The following TTBK1 variants were observed in gnomAD, a reference collection of about 807,000 sequenced individuals.
TTBK1 encodes the protein tau-tubulin kinase 1.
TTBK1 carries 34 observed loss-of-function variants against 108.5 expected under a neutral mutation model. The observed-to-expected ratio is 0.31, with a 90% CI of 0.24 to 0.42. The LOEUF is 0.42. TTBK1 is among the 10% of genes least tolerant of loss of function. The pLI is 1.00. For missense variants in TTBK1, 1,539 were observed against 1,826.0 expected, an observed-to-expected ratio of 0.84 and a Z score of 2.86; for synonymous variants, 809 against 795.1, an observed-to-expected ratio of 1.02 and a Z score of -0.29.
chr6:43,266,388 ATAGT>A (rs1220706568), intron 13 of TTBK1, among the ~76,000 whole-genome samples: 7 of 152,258 alleles, frequency 4.6e-5, no homozygotes, highest in African/African-American at 1.7e-4. Flanking sequence ...AATGACAACA[ATAGT>A]TAGCACTGTC....
chr6:43,247,933 G>GC lies in TTBK1; in HGVS notation c.108+1165_108+1166insC, dbSNP rs1554184752. On this transcript the variant is annotated intron_variant, in intron 2 of 14. Transcript: ENST00000259750. The stretch of plus-strand genomic sequence containing the variant: ...GGAAAGGGGCTGTTTATGTCCCAGA[G>GC]GGGGACTTCCTGAGAGGGAGAGTAC... 1.2e-4 allele frequency: 6 copies of GC among 51,914 alleles called. No homozygotes were observed. The African/African-American group carries it at 1.8e-3, about 15-fold the overall frequency. 3.2% of individuals were successfully genotyped at this position (51,914 alleles called of 1,614,324 possible). A position where few individuals can be genotyped will look rare whatever the true frequency, so the allele number is the denominator to read the frequency against.
chr6:43,271,292 A>T, intron 13 of TTBK1: 1 of 985,458 alleles, frequency 1.0e-6, no homozygotes, highest in Non-Finnish European at 1.2e-6. Context: ...GAGTGTGCTT[A>T]CGAATGAGCG....
At chr6:43,255,158 G>A in intron 7 of TTBK1, 44 bp downstream of exon 7, 1 of 1,305,708 alleles carries the variant, frequency 7.7e-7, no homozygotes, top group Non-Finnish European at 1.1e-6. Flanking sequence ...GGTGGGAGGG[G>A]CAAGGTCGGG....
In TTBK1 at chr6:43,283,064, C is replaced by T. The variant is rs749299332; in HGVS notation, c.2324C>T (p.Ala775Val). Residue 775 changes from alanine (A) to valine (V), a missense_variant, in exon 14 of 15, where the codon GCA (alanine) becomes GTA (valine). Transcript: ENST00000259750. The surrounding 1 kb of genome is among the most constrained non-coding windows in gnomAD (Gnocchi z 8.1). ...EEEEEEEAAA[A>V]VALGEVLGPR... ...GAAGAGGAGGAGGAGGCTGCAGCGGCAGTTGCCTTGGGGGAGGTGCTGGGG... is the reference window on the plus strand; with the variant it reads ...GAAGAGGAGGAGGAGGCTGCAGCGGTAGTTGCCTTGGGGGAGGTGCTGGGG... 41 of 1,588,246 alleles carry T rather than the reference C, an allele frequency of 2.6e-5. No homozygotes were observed. Among genetic ancestry groups the T allele is most frequent in the African/African-American group, 4.0e-5 (3 of 74,452 alleles).
At chr6:43,246,570 C>T in intron 1 of TTBK1, 37 bp from the exon 2 acceptor site, 2 of 980,210 alleles carry the variant, frequency 2.0e-6, no homozygotes, top group Non-Finnish European at 3.0e-6. Context: ...GTCCTGGGTC[C>T]GCAGCCCGCC....
In TTBK1 at chr6:43,253,946, T is replaced by C. The variant is rs1345862540; in HGVS notation, c.471+238T>C. ...CATGGCCAGGCCTCTCCTCTGTTCT[T>C]CCCTTCTGTTCCTTATCCCTTGCCC... On this transcript the variant is annotated intron_variant, in intron 5 of 14. Transcript: ENST00000259750. The surrounding 1 kb of genome is among the most constrained non-coding windows in gnomAD (Gnocchi z 5.8). 6.6e-6 allele frequency among the ~76,000 whole-genome samples: 1 copy of C among 152,148 alleles called. No homozygotes were observed. The highest frequency in any genetic ancestry group is 1.5e-5 in the Non-Finnish European group (1 of 68,022).
Position 43,273,179 on chromosome 6 carries a change from AC to A in TTBK1, c.1987-9545del, listed in dbSNP as rs2150705572. On this transcript the variant is annotated intron_variant, in intron 13 of 14. Transcript: ENST00000259750. The surrounding 1 kb of genome is among the most constrained non-coding windows in gnomAD (Gnocchi z 4.2). ...ATTTACCAGAACATATAAAAAACCC[AC>A]CCATGCCGAATAATCTGAGGTCTTG... Among the ~76,000 whole-genome samples the A allele has an allele frequency of 6.6e-6, 1 of 152,210 alleles. No homozygotes were observed. The highest frequency in any genetic ancestry group is 1.9e-4 in the East Asian group (1 of 5,182).
At chr6:43,275,730 T>C (rs1157131654) in intron 13 of TTBK1, among the ~76,000 whole-genome samples, 19 of 148,552 alleles carry the variant, frequency 1.3e-4, no homozygotes, top group Non-Finnish European at 2.4e-4. Flanking sequence ...CCGCGTCCCC[T>C]GCCCCACCCC....
chr6:43,253,409 G>A lies in TTBK1; in HGVS notation c.330+45G>A. Reference sequence around the variant, plus strand: ...CCTCGCTCCCCTCTCTAAGAGCTTGGGCTGTGACTCCAGGGTAGGGGAAGG... The same window carrying A: ...CCTCGCTCCCCTCTCTAAGAGCTTGAGCTGTGACTCCAGGGTAGGGGAAGG... On this transcript the variant is annotated intron_variant, in intron 4 of 14. Transcript: ENST00000259750. The surrounding 1 kb of genome is among the most constrained non-coding windows in gnomAD (Gnocchi z 5.8). The A allele has an allele frequency of 1.9e-6, 3 of 1,610,904 alleles. No individual in the cohort carries two copies. Among genetic ancestry groups the A allele is most frequent in the South Asian group, 2.2e-5 (2 of 90,902 alleles).
chr6:43,255,455 C>G, intron 7 of TTBK1, 97 bp from the exon 8 acceptor site: 3 of 1,163,924 alleles, frequency 2.6e-6, no homozygotes, highest in Non-Finnish European at 2.5e-6. Flanking sequence ...GCCTGGGTGT[C>G]AGGCCTCCCT....
chr6:43,249,087 T>C (rs925602289), intron 2 of TTBK1, among the ~76,000 whole-genome samples: 1 of 152,046 alleles, frequency 6.6e-6, no homozygotes, highest in Admixed American at 6.5e-5. Context: ...ATGGGCTGAT[T>C]CTTGTCAGGT....
chr6:43,262,793 C>T lies in TTBK1; in HGVS notation c.1429C>T (p.Arg477Trp). 2 of 1,562,834 alleles carry T rather than the reference C, an allele frequency of 1.3e-6. No homozygotes were observed. Among genetic ancestry groups the T allele is most frequent in the Non-Finnish European group, 1.7e-6 (2 of 1,150,704 alleles). The change falls in exon 13 of 15, where the codon CGG becomes TGG. Residue 477 changes from arginine to tryptophan, a missense_variant. Around this residue, in one of 5 missense-constraint regions of TTBK1, gnomAD observed 277 missense variants for 332.4 expected, o/e 0.83. Coordinates refer to ENST00000259750, the MANE Select transcript of TTBK1 (RefSeq NM_032538.3). The stretch of plus-strand genomic sequence containing the variant: ...CCGTGAGGGGTGGCTTTGCAGGTCA[C>T]GGATGGATCTGCCTGGCTCGCCCTC... ...GRVELPERRS[R>W]MDLPGSPSRQ...
chr6:43,246,830 A>C, intron 2 of TTBK1, 62 bp downstream of exon 2: 2 of 1,382,406 alleles, frequency 1.4e-6, no homozygotes, highest in Non-Finnish European at 2.0e-6. Context: ...GGACCTGGAG[A>C]CTTGTTAAAA....
chr6:43,281,785 A>T (rs981568219), intron 13 of TTBK1, among the ~76,000 whole-genome samples: 1 of 152,190 alleles, frequency 6.6e-6, no homozygotes, highest in Non-Finnish European at 1.5e-5. Context: ...CCCACCATGG[A>T]ACAAAGCTGT....
At chr6:43,247,371 G>A (rs974893134) in intron 2 of TTBK1, among the ~76,000 whole-genome samples, 2 of 152,166 alleles carry the variant, frequency 1.3e-5, no homozygotes, top group African/African-American at 4.8e-5. Flanking sequence ...CAGCCTCCTC[G>A]GGAGCCGGGC....
At chr6:43,244,515 C>T (rs747631540) in intron 1 of TTBK1, among the ~76,000 whole-genome samples, 13 of 152,150 alleles carry the variant, frequency 8.5e-5, no homozygotes, top group Non-Finnish European at 1.6e-4. Context: ...GGGTCTGAGG[C>T]GGCAGTAACG....
chr6:43,259,633 T>C lies in TTBK1; in HGVS notation c.1351T>C (p.Tyr451His), dbSNP rs1225382747. The part of the protein sequence containing the change: ...SPTTPVRSLR[Y>H]RRVNSPESER... ...CACAACCCCAGTCCGTTCTCTGCGCTACCGGAGGGTGAACAGCCCTGAGTC... is the reference window on the plus strand; with the variant it reads ...CACAACCCCAGTCCGTTCTCTGCGCCACCGGAGGGTGAACAGCCCTGAGTC... Residue 451 changes from tyrosine (Y) to histidine (H), a missense_variant, in exon 12 of 15, where the codon TAC becomes CAC. Transcript: ENST00000259750. This position sits in a 1 kb window ranked among gnomAD's most constrained non-coding sequence, Gnocchi z 6.7. 6.2e-7 allele frequency: 1 copy of C among 1,610,612 alleles called. No individual in the cohort carries two copies. Among genetic ancestry groups the C allele is most frequent in the South Asian group, 1.1e-5 (1 of 90,176 alleles).
At position 43,259,853 on chromosome 6, in the gene TTBK1, C is replaced by A; in HGVS notation, c.1424+147C>A. ...TTATACTTGGGCCTGGGGTCAGACT[C>A]AGTTGGGGCCAGAGACAGGGCCTGG... is the stretch of plus-strand genomic sequence containing the variant. On this transcript the variant is annotated intron_variant, in intron 12 of 14. Coordinates refer to ENST00000259750, the MANE Select transcript of TTBK1 (RefSeq NM_032538.3). This position sits in a 1 kb window ranked among gnomAD's most constrained non-coding sequence, Gnocchi z 6.7. The A allele has an allele frequency of 1.3e-6, 1 of 787,012 alleles. No individual in the cohort carries two copies. The highest frequency in any genetic ancestry group is 1.9e-6 in the Non-Finnish European group (1 of 520,022). The allele number at this position is 787,012 out of a possible 1,614,324, so 48.8% of individuals were successfully genotyped here. A position where few individuals can be genotyped will look rare whatever the true frequency, so the allele number is the denominator to read the frequency against.
Position 43,257,068 on chromosome 6 carries a change from C to T in TTBK1, c.862-744C>T, listed in dbSNP as rs936433651. ...AGGAGTAGAGACAGCCTGAGGCACACAGGATGCACTCAATTAAGCCGGTCC... is the reference window on the plus strand; with the variant it reads ...AGGAGTAGAGACAGCCTGAGGCACATAGGATGCACTCAATTAAGCCGGTCC... On this transcript the variant is annotated intron_variant, in intron 9 of 14. Coordinates refer to ENST00000259750, the MANE Select transcript of TTBK1 (RefSeq NM_032538.3). This position sits in a 1 kb window ranked among gnomAD's most constrained non-coding sequence, Gnocchi z 4.5. 6.6e-6 allele frequency among the ~76,000 whole-genome samples: 1 copy of T among 152,220 alleles called. No homozygotes were observed. The highest frequency in any genetic ancestry group is 1.5e-5 in the Non-Finnish European group (1 of 68,044).
Sources: gnomAD v4.1 joint callset for allele counts (sites outside exome capture counted in the v4.1 genomes callset) on GRCh38, gnomAD v4.1.1 for gene constraint, gnomAD v4.1.1 regional missense constraint, Gnocchi (gnomAD v3.1) non-coding constraint, MANE v1.5 for transcripts, NCBI Gene and HGNC (gene_info 2026-07-23, HGNC 2026-07-21) for gene names.